The following HINT3 variants were observed in gnomAD, a reference collection of about 807,000 sequenced individuals.
HINT3 encodes the protein histidine triad nucleotide binding protein 3.
Under a neutral mutation model 19.1 loss-of-function variants are expected in HINT3, and 16 were observed. The ratio of observed to expected loss-of-function variants is 0.84; its 90% CI spans 0.57 to 1.27. The LOEUF is 1.27. HINT3 is among the 50% of genes most tolerant of loss of function. The pLI, the probability that HINT3 is intolerant of heterozygous loss-of-function variation, is 0.00. For missense variants in HINT3, 197 were observed against 225.8 expected (o/e 0.87, Z 0.82); for synonymous variants, 75 against 84.8 (o/e 0.88, Z 0.63).
chr6:125,970,706 A>C (rs1309294920), intron 2 of HINT3, among the ~76,000 whole-genome samples: 1 of 152,188 alleles, frequency 6.6e-6, no homozygotes, highest in Non-Finnish European at 1.5e-5. Flanking sequence ...ACTCCACTTA[A>C]ATACAGCATA....
chr6:125,962,189 CATATATATAT>C (rs371993982), intron 1 of HINT3, among the ~76,000 whole-genome samples: 1 of 64,328 alleles, frequency 1.6e-5, no homozygotes, highest in African/African-American at 1.1e-4. Flanking sequence ...TATATATACA[CATATATATAT>C]ATATATATAT....
At chr6:125,961,773 G>A (rs962491907) in intron 1 of HINT3, among the ~76,000 whole-genome samples, 11 of 151,980 alleles carry the variant, frequency 7.2e-5, no homozygotes, top group Admixed American at 5.9e-4. Context: ...GTCTTCATTG[G>A]ATAGGCCTGA....
At position 125,956,941 on chromosome 6, in the gene HINT3, G is replaced by A. The variant is rs1788842121; in HGVS notation, c.-37G>A. The A allele has an allele frequency of 1.3e-6, 2 of 1,541,586 alleles. No individual in the cohort carries two copies. Among genetic ancestry groups the A allele is most frequent in the Admixed American group, 2.0e-5 (1 of 50,778 alleles). On this transcript the variant is annotated 5_prime_UTR_variant, in exon 1 of 5. Transcript: ENST00000229633. ...AGACTGCGCGGGCCCGGTAGCCCTG[G>A]AGAGGCCGAGGCTCTAGGCCGCGAG...
chr6:125,962,303 TATATC>T (rs1213826736), intron 1 of HINT3, among the ~76,000 whole-genome samples: 2 of 35,564 alleles, frequency 5.6e-5, no homozygotes, highest in African/African-American at 3.6e-4. Flanking sequence ...TATATATATA[TATATC>T]ACACATATAT....
chr6:125,957,727 T>C (rs934350894), intron 1 of HINT3, among the ~76,000 whole-genome samples: 13 of 152,146 alleles, frequency 8.5e-5, no homozygotes, highest in African/African-American at 3.1e-4. Context: ...GCCTCTGAAT[T>C]CCACTGTCAG....
At chr6:125,963,121 A>T (rs1040792867) in intron 1 of HINT3, among the ~76,000 whole-genome samples, 2 of 152,174 alleles carry the variant, frequency 1.3e-5, no homozygotes, top group Non-Finnish European at 2.9e-5. Flanking sequence ...ATGCGTGATC[A>T]AAAGGGCGTC....
chr6:125,972,112 G>A, intron 2 of HINT3, 147 bp from the exon 3 acceptor site: 2 of 566,386 alleles, frequency 3.5e-6, no homozygotes, highest in Non-Finnish European at 6.2e-6. Flanking sequence ...CTCCCAAAGT[G>A]TTGGGATTAC....
At chr6:125,966,729 A>G (rs1225900763) in intron 1 of HINT3, among the ~76,000 whole-genome samples, 158 bp from the exon 2 acceptor site, 2 of 152,240 alleles carry the variant, frequency 1.3e-5, no homozygotes, top group Non-Finnish European at 2.9e-5. Context: ...AGGAAGTGTT[A>G]TGAACTTAAT....
chr6:125,975,947 T>C (rs979633594), intron 4 of HINT3, among the ~76,000 whole-genome samples: 1 of 152,192 alleles, frequency 6.6e-6, no homozygotes, highest in Non-Finnish European at 1.5e-5. Flanking sequence ...TTCAGCTGTT[T>C]ATACACCTGT....
chr6:125,962,233 TACACA>T (rs1788945064), intron 1 of HINT3, among the ~76,000 whole-genome samples: 3 of 20,692 alleles, frequency 1.4e-4, no homozygotes, highest in Non-Finnish European at 2.2e-4. Context: ...TATATATATA[TACACA>T]TATATATATA....
At chr6:125,965,451 T>A (rs1163496356) in intron 1 of HINT3, among the ~76,000 whole-genome samples, 2 of 152,190 alleles carry the variant, frequency 1.3e-5, no homozygotes, top group African/African-American at 2.4e-5. Flanking sequence ...TTGTACTAGA[T>A]TTAACCCCCA....
At chr6:125,972,480 T>C (rs1311683029) in intron 3 of HINT3, 152 bp downstream of exon 3, 1 of 512,514 alleles carries the variant, frequency 2.0e-6, no homozygotes, top group East Asian at 3.5e-5. Flanking sequence ...GTAGTATAAA[T>C]GTAATAAAAC....
chr6:125,963,414 T>G (rs1788972889), intron 1 of HINT3, among the ~76,000 whole-genome samples: 1 of 152,208 alleles, frequency 6.6e-6, no homozygotes, highest in Non-Finnish European at 1.5e-5. Flanking sequence ...GATTTTTAGC[T>G]TTTTTAGTTC....
At chr6:125,966,830 A>G in intron 1 of HINT3, 57 bp from the exon 2 acceptor site, 3 of 1,134,382 alleles carry the variant, frequency 2.6e-6, no homozygotes, top group Non-Finnish European at 3.9e-6. Context: ...AAGTCATGCC[A>G]GAACAGCATT....
chr6:125,958,228 G>A (rs1458117849), intron 1 of HINT3, among the ~76,000 whole-genome samples: 1 of 152,126 alleles, frequency 6.6e-6, no homozygotes, highest in Admixed American at 6.5e-5. Flanking sequence ...GGTTCAGTTT[G>A]TGTGATAGAA....
In HINT3 at chr6:125,979,314, C is replaced by G. The variant is rs1165137597; in HGVS notation, c.*1638C>G. 9 of 152,070 alleles carry G rather than the reference C, an allele frequency of 5.9e-5. No homozygotes were observed. The highest frequency in any genetic ancestry group is 2.2e-4 in the African/African-American group (9 of 41,402). The allele number at this position is 152,070 out of a possible 1,614,324, so 9.4% of individuals were successfully genotyped here. ...CTGTTTTATGATATAGTTCACTGAG[C>G]ACTTACATAGATTAACAGTTACAAG... is the stretch of plus-strand genomic sequence containing the variant. On this transcript the variant is annotated 3_prime_UTR_variant, in exon 5 of 5. Transcript: ENST00000229633.
intron 3 of HINT3, 33 bp from the exon 4 acceptor site, chr6:125,974,814 G>A: frequency 6.3e-7 from 1 of 1,596,254 alleles, no homozygotes; most frequent in African/African-American, 1.3e-5. Flanking sequence ...TTTAGAACTG[G>A]TTTGTCAATC....
chr6:125,972,313 A>C lies in HINT3; in HGVS notation c.374A>C (p.Asp125Ala). The change falls in exon 3 of 5, where the codon GAC becomes GCC. Residue 125 changes from aspartate to alanine, a missense_variant. Physicochemically the swap from Asp to Ala is moderately radical, Grantham distance 126. Coordinates refer to ENST00000229633, the MANE Select transcript of HINT3 (RefSeq NM_138571.5). ...ATTCTTGAAAGAAATAATTTCACTGACTTCACGAATGTGAGGTGTGTATAC... is the reference window on the plus strand; with the variant it reads ...ATTCTTGAAAGAAATAATTTCACTGCCTTCACGAATGTGAGGTGTGTATAC... Reference protein sequence around the residue: ...KTILERNNFTDFTNVRMGFHM... With the variant: ...KTILERNNFTAFTNVRMGFHM... 2 of 1,571,692 alleles carry C rather than the reference A, an allele frequency of 1.3e-6. No individual in the cohort carries two copies. Among genetic ancestry groups the C allele is most frequent in the Non-Finnish European group, 1.7e-6 (2 of 1,161,808 alleles).
intron 1 of HINT3, among the ~76,000 whole-genome samples, chr6:125,958,005 G>A (rs1482492085): frequency 6.6e-6 from 1 of 152,176 alleles, no homozygotes; most frequent in African/African-American, 2.4e-5. Context: ...CTAAAGGGCG[G>A]AATGTATACA....
Sources: gnomAD v4.1 joint callset for allele counts (sites outside exome capture counted in the v4.1 genomes callset) on GRCh38, gnomAD v4.1.1 for gene constraint, MANE v1.5 for transcripts, NCBI Gene and HGNC (gene_info 2026-07-23, HGNC 2026-07-21) for gene names.